LRP1B: variants seen among roughly 807,000 people sequenced by gnomAD.
LRP1B encodes low-density lipoprotein receptor-related protein 1B.
A neutral mutation model predicts 556.6 loss-of-function variants in LRP1B; 217 were observed. The ratio of observed to expected loss-of-function variants is 0.39; its 90% CI spans 0.35 to 0.44. The LOEUF (loss-of-function observed/expected upper bound fraction) is 0.44. Among genes scored for constraint, LRP1B ranks in the 20% least tolerant of loss-of-function variants. The pLI, the probability that LRP1B is intolerant of heterozygous loss-of-function variation, is 1.00. For missense variants in LRP1B, 5,053 were observed against 5,620.8 expected (o/e 0.90, Z 3.23); for synonymous variants, 2,047 against 1,865.8 (o/e 1.10, Z -2.50).
intron 15 of LRP1B, among the ~76,000 whole-genome samples, chr2:141,003,886 A>G (rs532248174): frequency 1.3e-5 from 2 of 152,238 alleles, no homozygotes; most frequent in Non-Finnish European, 2.9e-5. Context: ...TATCACTGGT[A>G]GTAAAAATAA....
chr2:141,817,872 T>C (rs1338476249), intron 1 of LRP1B, among the ~76,000 whole-genome samples: 2 of 152,124 alleles, frequency 1.3e-5, no homozygotes, highest in Non-Finnish European at 2.9e-5. Flanking sequence ...TTCATTCTGA[T>C]AGCTAATTAC....
At chr2:140,781,074 A>C (rs1689682191) in intron 32 of LRP1B, among the ~76,000 whole-genome samples, 2 of 152,144 alleles carry the variant, frequency 1.3e-5, no homozygotes, top group African/African-American at 4.8e-5. Flanking sequence ...TTCACACATA[A>C]AGTTTCTGAG....
chr2:141,772,051 C>T (rs922255734), intron 2 of LRP1B, among the ~76,000 whole-genome samples: 14 of 152,100 alleles, frequency 9.2e-5, no homozygotes, highest in African/African-American at 3.1e-4. Flanking sequence ...CTCCTGACCT[C>T]GTGATCCACC....
At chr2:141,682,182 A>G (rs1691128556) in intron 2 of LRP1B, among the ~76,000 whole-genome samples, 1 of 152,150 alleles carries the variant, frequency 6.6e-6, no homozygotes, top group African/African-American at 2.4e-5. Context: ...GTCATAGACT[A>G]GAAAGCTAGA....
intron 7 of LRP1B, among the ~76,000 whole-genome samples, chr2:141,075,308 G>C (rs555521950): frequency 6.2e-4 from 94 of 152,228 alleles, no homozygotes; most frequent in Admixed American, 1.1e-3. Context: ...GAGATAAAGA[G>C]TTCAATTGAG....
intron 59 of LRP1B, among the ~76,000 whole-genome samples, chr2:140,479,415 T>G (rs1226630778): frequency 6.6e-6 from 1 of 152,134 alleles, no homozygotes; most frequent in East Asian, 1.9e-4. Context: ...TACCCCAATC[T>G]CATATGTAAA....
At chr2:140,371,058 A>G in intron 70 of LRP1B, 121 bp downstream of exon 70, 2 of 795,456 alleles carry the variant, frequency 2.5e-6, no homozygotes, top group Admixed American at 3.0e-5. Flanking sequence ...CATTCAATGT[A>G]CATATCTAAC....
At chr2:140,339,838 C>T (rs901850635) in intron 77 of LRP1B, among the ~76,000 whole-genome samples, 24 of 146,358 alleles carry the variant, frequency 1.6e-4, no homozygotes, top group African/African-American at 4.9e-4. Context: ...AATGTGTACG[C>T]GATTAAAAAA....
At chr2:142,071,508 A>C (rs1327135148) in intron 1 of LRP1B, among the ~76,000 whole-genome samples, 3 of 152,044 alleles carry the variant, frequency 2.0e-5, no homozygotes, top group Non-Finnish European at 2.9e-5. Flanking sequence ...CAAAGGAAGA[A>C]TAATATATAG....
chr2:141,344,185 G>T (rs1427493350), intron 3 of LRP1B, among the ~76,000 whole-genome samples: 1 of 152,038 alleles, frequency 6.6e-6, no homozygotes, highest in Admixed American at 6.6e-5. Flanking sequence ...TGTCCCCTTG[G>T]CTGGAATAGA....
intron 66 of LRP1B, among the ~76,000 whole-genome samples, chr2:140,396,992 C>T (rs1028484481): frequency 2.6e-5 from 4 of 152,088 alleles, no homozygotes; most frequent in African/African-American, 9.7e-5. Context: ...GTATTGGTGA[C>T]TTGCTCAAGG....
intron 1 of LRP1B, among the ~76,000 whole-genome samples, chr2:141,943,026 A>C (rs907148427): frequency 6.6e-6 from 1 of 152,242 alleles, no homozygotes; most frequent in Non-Finnish European, 1.5e-5. Flanking sequence ...TAGATCTAGA[A>C]ACTAATGATA....
intron 3 of LRP1B, among the ~76,000 whole-genome samples, chr2:141,438,350 C>T (rs1179464513): frequency 6.7e-6 from 1 of 149,352 alleles, no homozygotes; most frequent in East Asian, 1.9e-4. Flanking sequence ...CACTCACTCA[C>T]TCATTCATTC....
chr2:141,402,775 T>C (rs1238767968), intron 3 of LRP1B, among the ~76,000 whole-genome samples: 1 of 152,104 alleles, frequency 6.6e-6, no homozygotes, highest in Non-Finnish European at 1.5e-5. Context: ...TAGCTTAAGT[T>C]TGGAGAATTT....
chr2:140,873,153 T>C (rs984995701), intron 25 of LRP1B, among the ~76,000 whole-genome samples: 23 of 152,144 alleles, frequency 1.5e-4, no homozygotes, highest in African/African-American at 4.3e-4. Context: ...GAATACATTT[T>C]TGTTTGCATT....
chr2:141,925,970 A>G (rs1435587), intron 1 of LRP1B, among the ~76,000 whole-genome samples: 132,616 of 152,108 alleles, frequency 0.87, 57,903 homozygotes, highest in East Asian at 1. Flanking sequence ...AAAAAAACAC[A>G]GGGAAACAAG....
At chr2:141,596,254 A>C (rs573064933) in intron 2 of LRP1B, among the ~76,000 whole-genome samples, 8 of 152,024 alleles carry the variant, frequency 5.3e-5, no homozygotes, top group Non-Finnish European at 1.0e-4. Flanking sequence ...TTAAGAATGA[A>C]AAAAATGTTT....
chr2:141,508,088 C>CT (rs201689512), intron 2 of LRP1B, among the ~76,000 whole-genome samples: 125,244 of 149,270 alleles, frequency 0.84, 52,613 homozygotes, highest in East Asian at 0.97. Flanking sequence ...TCCATCCCCC[C>CT]CCCAAAAAAA....
intron 35 of LRP1B, among the ~76,000 whole-genome samples, chr2:140,752,822 A>G (rs1159517505): frequency 4.6e-5 from 7 of 152,292 alleles, no homozygotes; most frequent in African/African-American, 7.2e-5. Flanking sequence ...CTCTCTCACT[A>G]TCAAAATCCC....
Sources: allele counts gnomAD v4.1 joint callset (sites outside exome capture counted in the v4.1 genomes callset), GRCh38; gene constraint gnomAD v4.1.1; transcripts MANE v1.5; gene names NCBI Gene and HGNC (gene_info 2026-07-23, HGNC 2026-07-21).